LAPTM4B: variants seen among roughly 807,000 people sequenced by gnomAD.
The protein encoded by LAPTM4B is lysosomal protein transmembrane 4 beta.
Under a neutral mutation model 28.5 loss-of-function variants are expected in LAPTM4B, and 26 were observed. The observed-to-expected ratio is 0.91, with a 90% CI of 0.67 to 1.27. LAPTM4B has a LOEUF of 1.27. Among genes scored for constraint, LAPTM4B ranks in the 50% most tolerant of loss-of-function variants. The pLI, the probability that LAPTM4B is intolerant of heterozygous loss-of-function variation, is 0.00. For missense variants in LAPTM4B, 288 were observed against 285.8 expected (o/e 1.01, Z -0.06); for synonymous variants, 109 against 106.4 (o/e 1.02, Z -0.15).
intron 6 of LAPTM4B, among the ~76,000 whole-genome samples, chr8:97,837,849 G>A (rs1817285836): frequency 2.6e-5 from 4 of 152,142 alleles, no homozygotes; most frequent in African/African-American, 7.2e-5. Flanking sequence ...CAAGCTTCTT[G>A]CCTACTAAGT....
chr8:97,850,516 T>C (rs1817508477), intron 6 of LAPTM4B, among the ~76,000 whole-genome samples: 1 of 71,518 alleles, frequency 1.4e-5, no homozygotes, highest in Non-Finnish European at 2.8e-5. Flanking sequence ...TGACAAAAAC[T>C]TAACAAAATT....
intron 6 of LAPTM4B, among the ~76,000 whole-genome samples, chr8:97,846,133 G>C (rs1817430319): frequency 6.6e-6 from 1 of 151,296 alleles, no homozygotes; most frequent in African/African-American, 2.4e-5. Flanking sequence ...GGAGTTACAG[G>C]TGTGAGCCAC....
intron 5 of LAPTM4B, among the ~76,000 whole-genome samples, chr8:97,820,877 T>G (rs1405280781): frequency 6.6e-6 from 1 of 151,838 alleles, no homozygotes; most frequent in Non-Finnish European, 1.5e-5. Context: ...TACAGGCGCC[T>G]GTTACCACAC....
intron 5 of LAPTM4B, among the ~76,000 whole-genome samples, chr8:97,820,309 T>C (rs1816985201): frequency 6.7e-6 from 1 of 148,440 alleles, no homozygotes; most frequent in South Asian, 2.1e-4. Flanking sequence ...TCTTTCTTTT[T>C]TTTTTTTTTT....
chr8:97,820,805 T>G (rs1425072033), intron 5 of LAPTM4B, among the ~76,000 whole-genome samples: 1 of 151,898 alleles, frequency 6.6e-6, no homozygotes, highest in East Asian at 2.0e-4. Flanking sequence ...CTCGGCTCAC[T>G]GCAACCTCTG....
chr8:97,784,112 C>T (rs1173593640), intron 1 of LAPTM4B, among the ~76,000 whole-genome samples: 2 of 152,130 alleles, frequency 1.3e-5, no homozygotes, highest in South Asian at 2.1e-4. Context: ...TGATAGCTTT[C>T]GGTGGGCATT....
At chr8:97,822,946 A>G (rs575794020) in intron 5 of LAPTM4B, among the ~76,000 whole-genome samples, 2 of 151,914 alleles carry the variant, frequency 1.3e-5, no homozygotes, top group East Asian at 3.9e-4. Flanking sequence ...GGTTCAAGCA[A>G]TTGTCCTGCC....
Position 97,807,887 on chromosome 8 carries a change from TA to T in LAPTM4B, c.211+2443del, listed in dbSNP as rs58830867. Among the ~76,000 whole-genome samples, 1,363 of 139,980 alleles carry T rather than the reference TA, an allele frequency of 9.7e-3. 19 individuals are homozygous for T. Among genetic ancestry groups the T allele is most frequent in the African/African-American group, 0.032 (1,188 of 37,178 alleles). 91.8% of individuals were successfully genotyped at this position (139,980 alleles called of 152,430 possible). ...CATTAAAGTTACTGCAGAGATAACT[TA>T]AAAAAAAAAAAAAAAAAAAGGAAAA... is the stretch of plus-strand genomic sequence containing the variant. On this transcript the variant is annotated intron_variant, in intron 2 of 6. Transcript: ENST00000521545.
intron 2 of LAPTM4B, among the ~76,000 whole-genome samples, chr8:97,811,076 T>C (rs1263124388): frequency 6.6e-6 from 1 of 152,204 alleles, no homozygotes; most frequent in Non-Finnish European, 1.5e-5. Flanking sequence ...ACCGTGCCCC[T>C]TCAAAATGAC....
chr8:97,843,679 C>T (rs1817385003), intron 6 of LAPTM4B, among the ~76,000 whole-genome samples: 1 of 151,976 alleles, frequency 6.6e-6, no homozygotes, highest in Non-Finnish European at 1.5e-5. Context: ...ACTTGGGAGG[C>T]CGAGGCAGGA....
intron 1 of LAPTM4B, among the ~76,000 whole-genome samples, chr8:97,783,446 A>T (rs371353235): frequency 6.6e-6 from 1 of 152,198 alleles, no homozygotes. Context: ...TCAAGATAGT[A>T]TTAGAGAAAC....
intron 6 of LAPTM4B, among the ~76,000 whole-genome samples, chr8:97,849,616 T>C (rs11781043): frequency 0.32 from 49,021 of 152,184 alleles, 8,325 homozygotes; most frequent in Non-Finnish European, 0.37. Flanking sequence ...GGCTGGCGGG[T>C]GCGACTCTGG....
intron 1 of LAPTM4B, among the ~76,000 whole-genome samples, chr8:97,795,838 A>T (rs1302400853): frequency 1.6e-4 from 6 of 38,004 alleles, no homozygotes; most frequent in South Asian, 9.0e-4. Flanking sequence ...CTCTGTCTTT[A>T]AAAAAAAAAA....
intron 1 of LAPTM4B, among the ~76,000 whole-genome samples, chr8:97,786,090 G>T (rs894703401): frequency 6.6e-6 from 1 of 152,174 alleles, no homozygotes; most frequent in Non-Finnish European, 1.5e-5. Context: ...ATTGGTCAAA[G>T]GAATGCTAGT....
chr8:97,825,164 T>A lies in LAPTM4B; in HGVS notation c.603+11T>A. On this transcript the variant is annotated intron_variant, in intron 6 of 6. Transcript: ENST00000521545. The stretch of plus-strand genomic sequence containing the variant: ...AGCAATGACACTACGGTAGGTATGA[T>A]GTCACTTATGGTAGAGATCTCGCCC... 1 of 1,373,586 alleles carries A rather than the reference T, an allele frequency of 7.3e-7. No individual in the cohort carries two copies. Among genetic ancestry groups the A allele is most frequent in the Non-Finnish European group, 1.0e-6 (1 of 963,614 alleles). The allele number at this position is 1,373,586 out of a possible 1,614,324, so 85.1% of individuals were successfully genotyped here. A position where few individuals can be genotyped will look rare whatever the true frequency, so the allele number is the denominator to read the frequency against.
At chr8:97,785,073 T>C (rs1219267214) in intron 1 of LAPTM4B, among the ~76,000 whole-genome samples, 1 of 152,138 alleles carries the variant, frequency 6.6e-6, no homozygotes, top group African/African-American at 2.4e-5. Context: ...ATTCAATATC[T>C]TTTTAAGCTT....
At chr8:97,796,665 C>T (rs922094050) in intron 1 of LAPTM4B, among the ~76,000 whole-genome samples, 2 of 152,158 alleles carry the variant, frequency 1.3e-5, no homozygotes, top group Admixed American at 6.6e-5. Context: ...CACGTCCGGG[C>T]GCAGTGACTC....
chr8:97,806,533 C>T (rs1357506089), intron 2 of LAPTM4B, among the ~76,000 whole-genome samples: 1 of 152,152 alleles, frequency 6.6e-6, no homozygotes, highest in Non-Finnish European at 1.5e-5. Flanking sequence ...ACTTTAATTT[C>T]AGTAACTAGC....
chr8:97,827,414 A>G (rs984449845), intron 6 of LAPTM4B, among the ~76,000 whole-genome samples: 3 of 152,206 alleles, frequency 2.0e-5, no homozygotes, highest in African/African-American at 7.2e-5. Context: ...ACACCCAGGA[A>G]GGGCTTGGAA....
Sources: gnomAD v4.1 joint callset for allele counts (sites outside exome capture counted in the v4.1 genomes callset) on GRCh38, gnomAD v4.1.1 for gene constraint, MANE v1.5 for transcripts, NCBI Gene and HGNC (gene_info 2026-07-23, HGNC 2026-07-21) for gene names.